Variants in GSG1 observed in about 807,000 individuals in gnomAD.
GSG1 encodes the protein germ cell associated 1.
A neutral mutation model predicts 30.8 loss-of-function variants in GSG1; 28 were observed. That is an observed-to-expected ratio of 0.91 (90% confidence interval 0.67 to 1.25). GSG1 has a LOEUF of 1.25. Ranked by LOEUF, GSG1 falls within the 50% of genes most tolerant of loss-of-function variation. GSG1 has a pLI of 0.00. For missense variants in GSG1, 435 were observed against 444.7 expected, an observed-to-expected ratio of 0.98 and a Z score of 0.20; for synonymous variants, 162 against 178.0, an observed-to-expected ratio of 0.91 and a Z score of 0.71.
chr12:13,091,655 G>A (rs1037572733), intron 1 of GSG1, among the ~76,000 whole-genome samples: 2 of 152,230 alleles, frequency 1.3e-5, no homozygotes, highest in East Asian at 1.9e-4. Context: ...AGTGAGCCAC[G>A]ATCATGCCAC....
intron 5 of GSG1, among the ~76,000 whole-genome samples, chr12:13,087,520 A>G (rs570926244): frequency 2.2e-4 from 33 of 152,298 alleles, no homozygotes; most frequent in Non-Finnish European, 3.8e-4. Context: ...ACCCAAGGCC[A>G]CTGCACACCA....
rs1407207397 is a variant in GSG1 at position 13,088,023 on chromosome 12, T to C, written c.518A>G (p.Tyr173Cys). 14 of 1,614,142 alleles carry C rather than the reference T, an allele frequency of 8.7e-6. No individual in the cohort carries two copies. The highest frequency in any genetic ancestry group is 2.2e-5 in the East Asian group (1 of 44,908). The change falls in exon 5 of 7, where the codon TAC becomes TGC. Residue 173 changes from tyrosine (Y) to cysteine (C), a missense_variant. Transcript: ENST00000651961. ...GAAGCTGATGAATTGAAGTCCGATG[T>C]AGGTGATCTGCGTTCCCAGGGATAA... ...LWLSLGTQIT[Y>C]IGLQFISFLL...
At position 13,101,988 on chromosome 12, in the gene GSG1, TAGA is replaced by T. The variant is rs536510287; in HGVS notation, c.48+1474_48+1476del. 3.9e-5 allele frequency among the ~76,000 whole-genome samples: 6 copies of T among 152,062 alleles called. No homozygotes were observed. The highest frequency in any genetic ancestry group is 1.9e-4 in the East Asian group (1 of 5,182). On this transcript the variant is annotated intron_variant, in intron 1 of 6. Transcript: ENST00000651961. The surrounding 1 kb of genome is among the most constrained non-coding windows in gnomAD (Gnocchi z 5.8). ...TAGTTCTGTGAAAATCGAAAACAGG[TAGA>T]AGAAGAGTGCCTCTAAGCAGAAACG... is the stretch of plus-strand genomic sequence containing the variant.
chr12:13,090,841 GA>G, intron 1 of GSG1, 23 bp from the exon 2 acceptor site: 1 of 1,583,376 alleles, frequency 6.3e-7, no homozygotes, highest in South Asian at 1.2e-5. Flanking sequence ...AGCACAAGTG[GA>G]AGGGAAGGGA....
At position 13,101,607 on chromosome 12, in the gene GSG1, C is replaced by T. The variant is rs1380570762; in HGVS notation, c.48+1858G>A. 6.6e-6 allele frequency among the ~76,000 whole-genome samples: 1 copy of T among 152,244 alleles called. No individual in the cohort carries two copies. The highest frequency in any genetic ancestry group is 1.5e-5 in the Non-Finnish European group (1 of 68,034). ...CACCTGAGGCGCGTCCCCTCTGCCG[C>T]CTGGCGAGGCTGCGCGGGAGGGCGG... On this transcript the variant is annotated intron_variant, in intron 1 of 6. Coordinates refer to ENST00000651961, the MANE Select transcript of GSG1 (RefSeq NM_001080555.4). The surrounding 1 kb of genome is among the most constrained non-coding windows in gnomAD (Gnocchi z 5.8).
At chr12:13,094,872 T>TTA (rs890476237) in intron 1 of GSG1, among the ~76,000 whole-genome samples, 6 of 152,184 alleles carry the variant, frequency 3.9e-5, no homozygotes, top group African/African-American at 1.2e-4. Context: ...CCACTTCAAG[T>TTA]TATATATATT....
chr12:13,090,421 G>A (rs530207031), intron 2 of GSG1, 82 bp downstream of exon 2: 28 of 1,332,686 alleles, frequency 2.1e-5, no homozygotes, highest in Admixed American at 7.9e-5. Flanking sequence ...AGCCCTAAGC[G>A]GGCCTACCTG....
chr12:13,086,201 A>G (rs1865503501), intron 6 of GSG1, among the ~76,000 whole-genome samples: 2 of 152,216 alleles, frequency 1.3e-5, no homozygotes, highest in Non-Finnish European at 2.9e-5. Flanking sequence ...GGCGTTGCCT[A>G]GCCTGAGCTC....
intron 4 of GSG1, among the ~76,000 whole-genome samples, chr12:13,088,290 A>T (rs1259983938): frequency 6.6e-6 from 1 of 151,858 alleles, no homozygotes; most frequent in Non-Finnish European, 1.5e-5. Context: ...ACTGACTGTA[A>T]ATACTGTTGG....
At chr12:13,092,355 CT>C (rs1255356018) in intron 1 of GSG1, among the ~76,000 whole-genome samples, 1 of 152,160 alleles carries the variant, frequency 6.6e-6, no homozygotes, top group Non-Finnish European at 1.5e-5. Context: ...ACCTGGAGTT[CT>C]TGGACCAGCA....
rs966065065 is a variant in GSG1, at chr12:13,102,812, G to A, written c.48+653C>T. ...AAGTAATCCTTAGAGCTGAAAGTTG[G>A]GAGGCTGGTCGTTTCTGAATGTAGG... On this transcript the variant is annotated intron_variant, in intron 1 of 6. Coordinates refer to ENST00000651961, the MANE Select transcript of GSG1 (RefSeq NM_001080555.4). 2.6e-5 allele frequency among the ~76,000 whole-genome samples: 4 copies of A among 152,238 alleles called. No homozygotes were observed. The East Asian group carries it at 5.8e-4, about 22-fold the overall frequency.
At position 13,088,908 on chromosome 12, in the gene GSG1, C is replaced by T. The variant is rs751973707; in HGVS notation, c.435G>A (p.Gly145=). 5 of 1,614,118 alleles carry T rather than the reference C, an allele frequency of 3.1e-6. No individual in the cohort carries two copies. The highest frequency in any genetic ancestry group is 3.4e-6 in the Non-Finnish European group (4 of 1,179,992). Residue 145 remains glycine (G), a splice_region_variant and synonymous_variant, in exon 4 of 7, where the codon GGG becomes GGA. Transcript: ENST00000651961. ...GTTCAATGAAACTTCGGCACCTCTC[C>T]CCTGAAACATACAAGGTACAACGTC... ...LRSSGTAAAK[G]ERCRSFIELT...
At position 13,084,640 on chromosome 12, in the gene GSG1, A is replaced by G. The variant is rs1315134584; in HGVS notation, c.*261T>C. 2.9e-6 allele frequency: 1 copy of G among 349,682 alleles called. No individual in the cohort carries two copies. Among genetic ancestry groups the G allele is most frequent in the Non-Finnish European group, 5.3e-6 (1 of 190,248 alleles). 21.7% of individuals were successfully genotyped at this position (349,682 alleles called of 1,614,324 possible). A position where few individuals can be genotyped will look rare whatever the true frequency, so the allele number is the denominator to read the frequency against. On this transcript the variant is annotated 3_prime_UTR_variant, in exon 7 of 7. Transcript: ENST00000651961. ...TTTTATCTCCATGGTTTAGCCCAGA[A>G]CCTGGCACAGAAACTATCAGTAAAG...
intron 1 of GSG1, among the ~76,000 whole-genome samples, chr12:13,099,762 T>TGTTTTG (rs1555128136): frequency 8.4e-4 from 125 of 148,366 alleles, no homozygotes; most frequent in African/African-American, 2.8e-3. Flanking sequence ...TTTTTTTTTT[T>TGTTTTG]TTTTTTGTTT....
At chr12:13,085,659 C>T (rs1865454699) in intron 6 of GSG1, among the ~76,000 whole-genome samples, 1 of 152,048 alleles carries the variant, frequency 6.6e-6, no homozygotes, top group Non-Finnish European at 1.5e-5. Flanking sequence ...CTCCCTCTCC[C>T]ACCCCAACAC....
chr12:13,088,903 C>G lies in GSG1; in HGVS notation c.440G>C (p.Arg147Thr). Reference protein sequence around the residue: ...SSGTAAAKGERCRSFIELTPP... With the variant: ...SSGTAAAKGETCRSFIELTPP... ...TGTAAGTTCAATGAAACTTCGGCAC[C>G]TCTCCCCTGAAACATACAAGGTACA... Residue 147 changes from arginine (R) to threonine (T), a missense_variant, in exon 4 of 7, where the codon AGG (arginine) becomes ACG (threonine). Physicochemically the swap from Arg to Thr is moderately conservative, Grantham distance 71. Transcript: ENST00000651961. 6.2e-7 allele frequency: 1 copy of G among 1,614,160 alleles called. No individual in the cohort carries two copies. Among genetic ancestry groups the G allele is most frequent in the Non-Finnish European group, 8.5e-7 (1 of 1,180,006 alleles).
intron 2 of GSG1, among the ~76,000 whole-genome samples, chr12:13,089,630 G>T (rs749198871): frequency 3.9e-5 from 6 of 152,206 alleles, no homozygotes; most frequent in African/African-American, 7.2e-5. Context: ...GCTGGCTTCG[G>T]TTCCCCCACT....
At chr12:13,099,916 G>A (rs558482105) in intron 1 of GSG1, among the ~76,000 whole-genome samples, 1 of 152,340 alleles carries the variant, frequency 6.6e-6, no homozygotes, top group Admixed American at 6.5e-5. Context: ...AAAGGCTGGA[G>A]TGGGTTGTAA....
intron 1 of GSG1, among the ~76,000 whole-genome samples, chr12:13,095,155 C>T (rs1179285855): frequency 1.3e-5 from 2 of 152,224 alleles, no homozygotes; most frequent in African/African-American, 4.8e-5. Flanking sequence ...ATCTCCAACA[C>T]CTATAGTACC....
Sources: gnomAD v4.1 joint callset for allele counts (sites outside exome capture counted in the v4.1 genomes callset) on GRCh38, gnomAD v4.1.1 for gene constraint, Gnocchi (gnomAD v3.1) non-coding constraint, MANE v1.5 for transcripts, NCBI Gene and HGNC (gene_info 2026-07-23, HGNC 2026-07-21) for gene names.